Variants in GRM7 observed in about 807,000 individuals in gnomAD.
GRM7 encodes metabotropic glutamate receptor 7.
Under a neutral mutation model 84.5 loss-of-function variants are expected in GRM7, and 35 were observed. The observed-to-expected ratio is 0.41, with a 90% CI of 0.32 to 0.55. The LOEUF (loss-of-function observed/expected upper bound fraction) is 0.55. Among genes scored for constraint, GRM7 ranks in the 20% least tolerant of loss-of-function variants. GRM7 has a pLI of 0.19. For synonymous variants in GRM7, 487 were observed against 455.1 expected (o/e 1.07, Z -0.89); for missense variants, 1,003 against 1,194.6 (o/e 0.84, Z 2.36).
At chr3:6,920,826 A>G (rs1454731150) in intron 1 of GRM7, among the ~76,000 whole-genome samples, 14 of 151,972 alleles carry the variant, frequency 9.2e-5, no homozygotes, top group Non-Finnish European at 1.5e-5. Context: ...AGCTTCTTGT[A>G]TTTCATATAT....
intron 1 of GRM7, among the ~76,000 whole-genome samples, chr3:7,066,978 T>C (rs2124978287): frequency 6.6e-6 from 1 of 152,050 alleles, no homozygotes; most frequent in South Asian, 2.1e-4. Flanking sequence ...AGCATCACTT[T>C]ATGCTTAAAA....
intron 1 of GRM7, among the ~76,000 whole-genome samples, chr3:7,103,765 T>TCC (rs1553617364): frequency 0.011 from 659 of 61,318 alleles, 1 homozygote; most frequent in African/African-American, 0.032. Flanking sequence ...TTTCTTTCTT[T>TCC]CTTTCTTTCT....
chr3:7,453,068 G>A (rs1220525500), intron 6 of GRM7, among the ~76,000 whole-genome samples: 13 of 130,944 alleles, frequency 9.9e-5, no homozygotes, highest in Non-Finnish European at 1.9e-4. Context: ...ATTCTTCTTT[G>A]GTGAATTTAG....
intron 2 of GRM7, among the ~76,000 whole-genome samples, chr3:7,180,606 G>A (rs1695304657): frequency 6.6e-6 from 1 of 152,112 alleles, no homozygotes; most frequent in Non-Finnish European, 1.5e-5. Context: ...AATTCATACT[G>A]TTTTTCAAAT....
intron 1 of GRM7, among the ~76,000 whole-genome samples, chr3:7,078,745 T>C (rs1320175028): frequency 6.6e-6 from 1 of 152,164 alleles, no homozygotes; most frequent in East Asian, 1.9e-4. Context: ...GTAGCCATAT[T>C]CTGAATAATG....
chr3:7,182,503 C>CA (rs762307436), intron 2 of GRM7, among the ~76,000 whole-genome samples: 21 of 151,874 alleles, frequency 1.4e-4, no homozygotes, highest in Non-Finnish European at 2.4e-4. Context: ...GGAGGAAAGT[C>CA]AAAAAAATAA....
intron 7 of GRM7, among the ~76,000 whole-genome samples, chr3:7,532,360 C>T (rs1083802): frequency 0.6 from 91,224 of 151,928 alleles, 28,064 homozygotes; most frequent in African/African-American, 0.74. Context: ...AGGGTGTATG[C>T]GTCCAGGAAT....
chr3:7,180,392 A>C (rs1695295566), intron 2 of GRM7, among the ~76,000 whole-genome samples: 1 of 152,162 alleles, frequency 6.6e-6, no homozygotes, highest in African/African-American at 2.4e-5. Context: ...TTTTCATAAG[A>C]GCCTAACACA....
At chr3:7,008,609 A>C (rs933637845) in intron 1 of GRM7, among the ~76,000 whole-genome samples, 1 of 152,210 alleles carries the variant, frequency 6.6e-6, no homozygotes, top group African/African-American at 2.4e-5. Context: ...TTGGTTTGCA[A>C]AGAAAGAAGA....
At chr3:7,390,310 G>C (rs1694942427) in intron 4 of GRM7, among the ~76,000 whole-genome samples, 1 of 152,054 alleles carries the variant, frequency 6.6e-6, no homozygotes, top group Non-Finnish European at 1.5e-5. Context: ...ACCTTGGATA[G>C]TTTGATCATT....
chr3:7,103,477 G>C (rs539694464), intron 1 of GRM7, among the ~76,000 whole-genome samples: 3 of 151,892 alleles, frequency 2.0e-5, no homozygotes, highest in African/African-American at 7.2e-5. Flanking sequence ...TTTAGGTTAG[G>C]AATCAGCCAG....
chr3:7,031,766 T>A (rs1373531840), intron 1 of GRM7, among the ~76,000 whole-genome samples: 1 of 152,126 alleles, frequency 6.6e-6, no homozygotes, highest in East Asian at 1.9e-4. Flanking sequence ...AATTCCTGTG[T>A]CCCATGTAGA....
intron 1 of GRM7, among the ~76,000 whole-genome samples, chr3:7,124,057 C>T (rs1250535582): frequency 1.3e-5 from 2 of 152,066 alleles, no homozygotes; most frequent in Admixed American, 6.6e-5. Context: ...CCTTTCTTCA[C>T]ATTCCTTACC....
intron 1 of GRM7, among the ~76,000 whole-genome samples, chr3:7,017,618 CCACCTGCTGTACATTATTAT>C (rs1282403381): frequency 7.9e-5 from 12 of 152,174 alleles, no homozygotes; most frequent in Admixed American, 5.9e-4. Flanking sequence ...TGGTGATTCT[CCACCTGCTGTACATTATTAT>C]CACCTGGGAA....
intron 2 of GRM7, among the ~76,000 whole-genome samples, chr3:7,195,931 C>A (rs902962553): frequency 3.4e-4 from 52 of 152,168 alleles, no homozygotes; most frequent in Middle Eastern, 3.4e-3. Flanking sequence ...GAGAACAGAA[C>A]CGATAGGATG....
chr3:7,482,204 A>G (rs1299845141), intron 7 of GRM7, among the ~76,000 whole-genome samples: 2 of 152,192 alleles, frequency 1.3e-5, no homozygotes, highest in Non-Finnish European at 2.9e-5. Flanking sequence ...AAACGAAAAC[A>G]AAAACAAAAA....
intron 8 of GRM7, among the ~76,000 whole-genome samples, chr3:7,591,947 TC>T (rs941039763): frequency 1.1e-4 from 17 of 152,270 alleles, no homozygotes; most frequent in African/African-American, 4.1e-4. Flanking sequence ...AAGGATCAAT[TC>T]TTTTACCCTG....
At chr3:7,522,433 C>T (rs114326072) in intron 7 of GRM7, among the ~76,000 whole-genome samples, 13 of 152,202 alleles carry the variant, frequency 8.5e-5, no homozygotes, top group Admixed American at 2.6e-4. Flanking sequence ...TCTATGCTTA[C>T]GTTTCCATTA....
intron 1 of GRM7, among the ~76,000 whole-genome samples, chr3:7,037,378 AC>A (rs1696424468): frequency 1.3e-5 from 2 of 152,218 alleles, no homozygotes; most frequent in South Asian, 4.1e-4. Context: ...TAGCTGTATC[AC>A]TTACTAGCAG....
Sources: allele counts gnomAD v4.1 joint callset (sites outside exome capture counted in the v4.1 genomes callset), GRCh38; gene constraint gnomAD v4.1.1; transcripts MANE v1.5; gene names NCBI Gene and HGNC (gene_info 2026-07-23, HGNC 2026-07-21).